Variants in FNDC3B observed in about 807,000 individuals in gnomAD.
FNDC3B encodes fibronectin type III domain-containing protein 3B.
FNDC3B carries 12 observed loss-of-function variants against 151.5 expected under a neutral mutation model. That is an observed-to-expected ratio of 0.08 (90% CI 0.05 to 0.13). The LOEUF (loss-of-function observed/expected upper bound fraction) is 0.13, where lower values mean the gene tolerates loss of function less well. FNDC3B is among the 10% of genes least tolerant of loss of function. The probability of loss-of-function intolerance (pLI) is 1.00; values close to 1 mark genes in which losing one functional copy is unlikely to be tolerated. For missense variants in FNDC3B, 1,214 were observed against 1,505.3 expected, an observed-to-expected ratio of 0.81 and a Z score of 3.20; for synonymous variants, 528 against 549.0, an observed-to-expected ratio of 0.96 and a Z score of 0.54.
At chr3:172,281,406 G>A (rs777158572) in intron 6 of FNDC3B, among the ~76,000 whole-genome samples, 6 of 152,008 alleles carry the variant, frequency 3.9e-5, no homozygotes, top group Non-Finnish European at 8.8e-5. Context: ...CACCACGCCC[G>A]GCTAATGCCA....
intron 11 of FNDC3B, among the ~76,000 whole-genome samples, chr3:172,311,710 CA>C (rs58156426): frequency 0.42 from 50,780 of 121,370 alleles, 9,469 homozygotes; most frequent in South Asian, 0.62. Flanking sequence ...ACTAAAAATA[CA>C]AAAAAAAAAA....
At position 172,343,104 on chromosome 3, in the gene FNDC3B, C is replaced by T; in HGVS notation, c.2065C>T (p.His689Tyr). 6.3e-7 allele frequency: 1 copy of T among 1,587,198 alleles called. No individual in the cohort carries two copies. The highest frequency in any genetic ancestry group is 8.7e-7 in the Non-Finnish European group (1 of 1,155,938). ...VLGRPKHKEVHLEWDVPASES... is the reference protein window; with the variant it reads ...VLGRPKHKEVYLEWDVPASES... The stretch of plus-strand genomic sequence containing the variant: ...GGGTAGACCAAAGCACAAAGAAGTC[C>T]ACTTAGAGTGGGGTGAGTGAACTAA... The change falls in exon 18 of 26, where the codon CAC becomes TAC. Residue 689 changes from histidine (H) to tyrosine (Y), a missense_variant. This residue lies in a region of FNDC3B where 380 missense variants were observed against 420.9 expected (regional missense o/e 0.90). Coordinates refer to ENST00000415807, the MANE Select transcript of FNDC3B (RefSeq NM_022763.4).
intron 3 of FNDC3B, among the ~76,000 whole-genome samples, chr3:172,166,276 C>G (rs528978228): frequency 6.6e-6 from 1 of 152,304 alleles, no homozygotes; most frequent in African/African-American, 2.4e-5. Flanking sequence ...CTATATGCTT[C>G]TAGTTCCTCA....
intron 1 of FNDC3B, among the ~76,000 whole-genome samples, chr3:172,052,838 G>C (rs1716732930): frequency 6.6e-6 from 1 of 152,208 alleles, no homozygotes; most frequent in South Asian, 2.1e-4. Flanking sequence ...TGAGAATAGT[G>C]CTTAGATTAA....
intron 1 of FNDC3B, among the ~76,000 whole-genome samples, chr3:172,109,024 A>C (rs1480922113): frequency 6.6e-6 from 1 of 152,198 alleles, no homozygotes; most frequent in Non-Finnish European, 1.5e-5. Context: ...GTGTGCATGG[A>C]GCACAGAAAT....
At chr3:172,166,326 T>A (rs1353804762) in intron 3 of FNDC3B, among the ~76,000 whole-genome samples, 1 of 152,218 alleles carries the variant, frequency 6.6e-6, no homozygotes, top group Non-Finnish European at 1.5e-5. Flanking sequence ...AAATTTTTTG[T>A]GGAATTACTT....
rs147939000 is a variant in FNDC3B, at chr3:172,192,730, A to AAT, written c.188-34126_188-34125dup. Among the ~76,000 whole-genome samples the AAT allele has an allele frequency of 1.6e-3, 238 of 150,650 alleles. 1 individual carries two copies. The highest frequency in any genetic ancestry group is 3.7e-3 in the East Asian group (19 of 5,160). On this transcript the variant is annotated intron_variant, in intron 3 of 25. Transcript: ENST00000415807. ...TTAGGATCTCTAATTACAGGGCATG[A>AAT]ATATATATATATATATTTTTTACCT...
At chr3:172,192,387 G>A (rs55806147) in intron 3 of FNDC3B, among the ~76,000 whole-genome samples, 73,629 of 151,448 alleles carry the variant, frequency 0.49, 18,397 homozygotes, top group Middle Eastern at 0.61. Context: ...GGGTTTCACC[G>A]TGTTAGCCAG....
At chr3:172,394,783 A>C (rs1479601079) in intron 25 of FNDC3B, among the ~76,000 whole-genome samples, 1 of 152,124 alleles carries the variant, frequency 6.6e-6, no homozygotes, top group Non-Finnish European at 1.5e-5. Flanking sequence ...CATTACAAAT[A>C]ATAATAATAA....
At chr3:172,174,944 C>CCCCCCG (rs924176605) in intron 3 of FNDC3B, among the ~76,000 whole-genome samples, 11 of 50,740 alleles carry the variant, frequency 2.2e-4, no homozygotes, top group Non-Finnish European at 4.1e-4. Context: ...CCCCCCCCCC[C>CCCCCCG]CCAATACAAT....
chr3:172,318,668 AG>A (rs1377132242), intron 11 of FNDC3B, among the ~76,000 whole-genome samples: 3 of 152,144 alleles, frequency 2.0e-5, no homozygotes, highest in Admixed American at 6.5e-5. Flanking sequence ...ACACTGCCTT[AG>A]GGTGGACAGT....
Position 172,185,540 on chromosome 3 carries a change from A to C in FNDC3B, c.188-41331A>C, listed in dbSNP as rs533544301. Among the ~76,000 whole-genome samples, 4 of 152,332 alleles carry C rather than the reference A, an allele frequency of 2.6e-5. No homozygotes were observed. The East Asian group carries it at 7.7e-4, about 29-fold the overall frequency. On this transcript the variant is annotated intron_variant, in intron 3 of 25. Coordinates refer to ENST00000415807, the MANE Select transcript of FNDC3B (RefSeq NM_022763.4). ...TATCTACCGTATTTTCAAGTTTTTA[A>C]GATTGAGATAGTTCTTTTGCAGAGG...
intron 1 of FNDC3B, among the ~76,000 whole-genome samples, chr3:172,041,371 CTTTCTTTCTTTCTT>C (rs1232366229): frequency 3.3e-5 from 5 of 151,290 alleles, no homozygotes; most frequent in Non-Finnish European, 5.9e-5. Context: ...TTCTTTCTTT[CTTTCTTTCTTTCTT>C]TTTCTTTCTT....
chr3:172,221,791 A>G (rs375038373), intron 3 of FNDC3B, among the ~76,000 whole-genome samples: 209 of 152,302 alleles, frequency 1.4e-3, no homozygotes, highest in African/African-American at 5.0e-3. Flanking sequence ...TCATCATTAG[A>G]CATTTATGAG....
At chr3:172,196,303 C>T (rs940667317) in intron 3 of FNDC3B, among the ~76,000 whole-genome samples, 2 of 152,032 alleles carry the variant, frequency 1.3e-5, no homozygotes, top group Non-Finnish European at 2.9e-5. Flanking sequence ...TCCTTCCCAC[C>T]TCAGCCTCCC....
chr3:172,302,850 G>A (rs6805338), intron 9 of FNDC3B: 35,024 of 151,084 alleles, frequency 0.23, 4,244 homozygotes, highest in South Asian at 0.41. Context: ...CTCTGTGTGT[G>A]TATGTGTGAG....
intron 16 of FNDC3B, chr3:172,337,888 C>T (rs1733068628): frequency 1.3e-5 from 2 of 157,840 alleles, no homozygotes; most frequent in Non-Finnish European, 2.8e-5. Flanking sequence ...CTCAAGCAAC[C>T]CTCCACCTTG....
intron 6 of FNDC3B, among the ~76,000 whole-genome samples, chr3:172,280,299 G>A (rs1207952223): frequency 6.6e-6 from 1 of 152,290 alleles, no homozygotes; most frequent in East Asian, 1.9e-4. Flanking sequence ...TATCTAGCTT[G>A]TCCTTATTAT....
intron 22 of FNDC3B, among the ~76,000 whole-genome samples, chr3:172,356,281 G>A (rs1378427953): frequency 6.6e-6 from 1 of 152,102 alleles, no homozygotes; most frequent in Non-Finnish European, 1.5e-5. Flanking sequence ...TGCAAACTTT[G>A]GGAAGTTATT....
Sources: allele counts gnomAD v4.1 joint callset (sites outside exome capture counted in the v4.1 genomes callset), GRCh38; gene constraint gnomAD v4.1.1; regional missense constraint gnomAD v4.1.1; transcripts MANE v1.5; gene names NCBI Gene and HGNC (gene_info 2026-07-23, HGNC 2026-07-21).